The following IL1RAP variants were observed in gnomAD, a reference collection of about 807,000 sequenced individuals.
The protein encoded by IL1RAP is interleukin 1 receptor accessory protein.
Under a neutral mutation model 60.7 loss-of-function variants are expected in IL1RAP, and 35 were observed. The ratio of observed to expected loss-of-function variants is 0.58; its 90% CI spans 0.44 to 0.76. The LOEUF (loss-of-function observed/expected upper bound fraction) is 0.76. Among genes scored for constraint, IL1RAP ranks in the 30% least tolerant of loss-of-function variants. The pLI, the probability that IL1RAP is intolerant of heterozygous loss-of-function variation, is 0.00. For synonymous variants in IL1RAP, 268 were observed against 250.9 expected, an observed-to-expected ratio of 1.07 and a Z score of -0.64; for missense variants, 572 against 693.9, an observed-to-expected ratio of 0.82 and a Z score of 1.97.
intron 3 of IL1RAP, among the ~76,000 whole-genome samples, chr3:190,595,480 C>T (rs1383426846): frequency 2.6e-5 from 4 of 152,170 alleles, no homozygotes; most frequent in Admixed American, 1.3e-4. Flanking sequence ...TTTGCTCTTA[C>T]CTTCAGTTCT....
At chr3:190,623,305 A>C in intron 6 of IL1RAP, 39 bp from the exon 7 acceptor site, 1 of 1,490,222 alleles carries the variant, frequency 6.7e-7, no homozygotes, top group South Asian at 1.1e-5. Context: ...AGGCTGCCTG[A>C]TTTAACATCA....
chr3:190,587,574 T>C (rs1158113414), intron 3 of IL1RAP, among the ~76,000 whole-genome samples: 1 of 152,214 alleles, frequency 6.6e-6, no homozygotes, highest in Non-Finnish European at 1.5e-5. Context: ...AGGAACTATA[T>C]TTAGCTATGA....
At chr3:190,656,194 G>A, downstream of IL1RAP, 1 of 1,537,250 alleles carries the variant, frequency 6.5e-7, no homozygotes, top group Non-Finnish European at 8.7e-7. Context: ...AAGTCTGAGT[G>A]CCAGTTCTGG....
At chr3:190,527,869 AC>A (rs796521676) in intron 1 of IL1RAP, among the ~76,000 whole-genome samples, 15 of 147,938 alleles carry the variant, frequency 1.0e-4, no homozygotes, top group African/African-American at 3.6e-4. Flanking sequence ...ACACACACAC[AC>A]GAGAATGGTG....
chr3:190,651,342 A>G lies in IL1RAP; in HGVS notation c.*2637A>G, dbSNP rs965071191. 6 of 903,522 alleles carry G rather than the reference A, an allele frequency of 6.6e-6. No homozygotes were observed. The highest frequency in any genetic ancestry group is 6.2e-5 in the Admixed American group (1 of 16,162). The allele number at this position is 903,522 out of a possible 1,614,324, so 56.0% of individuals were successfully genotyped here. ...AAGGACTCTAATAAAAAATCACTTC[A>G]TTGTATTTGGAAACAAAAACATCAT... On this transcript the variant is annotated 3_prime_UTR_variant, in exon 12 of 12. Coordinates refer to ENST00000447382, the MANE Select transcript of IL1RAP (RefSeq NM_002182.4).
intron 1 of IL1RAP, among the ~76,000 whole-genome samples, chr3:190,553,260 A>C (rs578229074): frequency 6.6e-6 from 1 of 152,342 alleles, no homozygotes; most frequent in East Asian, 1.9e-4. Flanking sequence ...CTACAACTTA[A>C]GACCAGCCTC....
intron 3 of IL1RAP, among the ~76,000 whole-genome samples, chr3:190,597,192 C>T (rs896589758): frequency 1.3e-5 from 2 of 152,060 alleles, no homozygotes; most frequent in African/African-American, 4.8e-5. Context: ...ACATATTAAG[C>T]CGATGGATTG....
At chr3:190,602,123 T>C (rs1729915438) in intron 3 of IL1RAP, among the ~76,000 whole-genome samples, 1 of 152,112 alleles carries the variant, frequency 6.6e-6, no homozygotes, top group African/African-American at 2.4e-5. Context: ...TTTTGCTGAC[T>C]CTGTATTCCA....
At chr3:190,620,561 T>A (rs1731691611) in intron 6 of IL1RAP, 121 bp downstream of exon 6, 1 of 856,572 alleles carries the variant, frequency 1.2e-6, no homozygotes, top group Non-Finnish European at 1.8e-6. Context: ...GTTTTTTGTT[T>A]ACAGTACTGT....
In IL1RAP at chr3:190,633,437, A is replaced by G. The variant is rs1041140809; in HGVS notation, c.1051+3939A>G. 3.9e-5 allele frequency among the ~76,000 whole-genome samples: 6 copies of G among 152,132 alleles called. No individual in the cohort carries two copies. The South Asian group carries it at 6.2e-4, about 16-fold the overall frequency. Reference sequence around the variant, plus strand: ...AGTGGCGTGATCTCGGCTCACTGCAATCTCCACCTCCTGAGTTCAAGCAAT... The same window carrying G: ...AGTGGCGTGATCTCGGCTCACTGCAGTCTCCACCTCCTGAGTTCAAGCAAT... On this transcript the variant is annotated intron_variant, in intron 9 of 11. Coordinates refer to ENST00000447382, the MANE Select transcript of IL1RAP (RefSeq NM_002182.4).
chr3:190,546,459 C>G (rs1179051405), intron 1 of IL1RAP, among the ~76,000 whole-genome samples: 2 of 152,232 alleles, frequency 1.3e-5, no homozygotes, highest in African/African-American at 2.4e-5. Context: ...CCACAGCATG[C>G]TGGCATGTTG....
intron 3 of IL1RAP, among the ~76,000 whole-genome samples, chr3:190,601,321 G>A (rs1053923495): frequency 1.3e-5 from 2 of 152,190 alleles, no homozygotes; most frequent in Admixed American, 1.3e-4. Flanking sequence ...CTGAATAAGC[G>A]AACTCTGCAA....
At chr3:190,544,915 T>A (rs1371606568) in intron 1 of IL1RAP, among the ~76,000 whole-genome samples, 1 of 152,206 alleles carries the variant, frequency 6.6e-6, no homozygotes. Flanking sequence ...TCAAAATCAT[T>A]CTGTAAAAGC....
At chr3:190,530,646 T>C (rs1317380673) in intron 1 of IL1RAP, among the ~76,000 whole-genome samples, 1 of 152,202 alleles carries the variant, frequency 6.6e-6, no homozygotes, top group Non-Finnish European at 1.5e-5. Flanking sequence ...CAAGGAGAAG[T>C]GTATACACAA....
rs779890832 is a variant in IL1RAP, at chr3:190,645,725, T to C, written c.1228T>C (p.Ser410Pro). 1 of 1,612,620 alleles carries C rather than the reference T, an allele frequency of 6.2e-7. No homozygotes were observed. Among genetic ancestry groups the C allele is most frequent in the Admixed American group, 1.7e-5 (1 of 59,998 alleles). Reference sequence around the variant, plus strand: ...TGGAAAAGAGTATGATATTTATGTATCCTATGCAAGGAATGCGGAAGAAGA... The same window carrying C: ...TGGAAAAGAGTATGATATTTATGTACCCTATGCAAGGAATGCGGAAGAAGA... ...LDGKEYDIYV[S>P]YARNAEEEEF... The change falls in exon 11 of 12, where the codon TCC (serine) becomes CCC (proline). Residue 410 changes from serine to proline, a missense_variant. Physicochemically the swap from Ser to Pro is moderately conservative, Grantham distance 74. Coordinates refer to ENST00000447382, the MANE Select transcript of IL1RAP (RefSeq NM_002182.4).
chr3:190,515,228 T>C (rs1232063924), intron 1 of IL1RAP, among the ~76,000 whole-genome samples: 60 of 129,394 alleles, frequency 4.6e-4, no homozygotes, highest in African/African-American at 2.1e-3. Context: ...TTTCTTTCTT[T>C]CTTCCTTTTT....
rs182850661 is a variant in IL1RAP, at chr3:190,532,331, C to T, written c.-89+18112C>T. Among the ~76,000 whole-genome samples, 598 of 148,870 alleles carry T rather than the reference C, an allele frequency of 4.0e-3. 9 individuals carry two copies. The Middle Eastern group carries it at 0.081, about 20-fold the overall frequency. ...AGGCTGGAGTGCAGTGGCACCATCT[C>T]GGCTCACTGCAAGCTTCGCCTCCTG... On this transcript the variant is annotated intron_variant, in intron 1 of 11. Coordinates refer to ENST00000447382, the MANE Select transcript of IL1RAP (RefSeq NM_002182.4).
intron 3 of IL1RAP, among the ~76,000 whole-genome samples, chr3:190,577,100 C>CAAAAAAA (rs34108263): frequency 3.5e-5 from 3 of 86,524 alleles, no homozygotes; most frequent in African/African-American, 4.9e-5. Context: ...GACTCCGTCT[C>CAAAAAAA]AAAAAAAAAA....
At chr3:190,636,712 G>A (rs1733253932) in intron 9 of IL1RAP, among the ~76,000 whole-genome samples, 3 of 151,866 alleles carry the variant, frequency 2.0e-5, no homozygotes, top group South Asian at 4.2e-4. Context: ...TATACTTAAT[G>A]TATGTATCTT....
Sources: allele counts gnomAD v4.1 joint callset (sites outside exome capture counted in the v4.1 genomes callset), GRCh38; gene constraint gnomAD v4.1.1; transcripts MANE v1.5; gene names NCBI Gene and HGNC (gene_info 2026-07-23, HGNC 2026-07-21).